The following PRKG1 variants were observed in gnomAD, a reference collection of about 807,000 sequenced individuals.
PRKG1 encodes protein kinase cGMP-dependent 1.
PRKG1 carries 35 observed loss-of-function variants against 88.1 expected under a neutral mutation model. That is an observed-to-expected ratio of 0.40 (90% CI 0.30 to 0.53). The LOEUF is 0.53. Ranked by LOEUF, PRKG1 falls within the 20% of genes least tolerant of loss-of-function variation. PRKG1 has a pLI of 0.59. For synonymous variants in PRKG1, 303 were observed against 292.5 expected (o/e 1.04, Z -0.37); for missense variants, 540 against 839.8 (o/e 0.64, Z 4.41).
chr10:51,754,001 C>G (rs945701280), intron 3 of PRKG1, among the ~76,000 whole-genome samples: 4 of 152,036 alleles, frequency 2.6e-5, no homozygotes, highest in Non-Finnish European at 5.9e-5. Flanking sequence ...TCTAGGATCA[C>G]TGTAACATGG....
intron 12 of PRKG1, among the ~76,000 whole-genome samples, chr10:52,273,308 A>T (rs775789230): frequency 2.0e-5 from 3 of 151,990 alleles, no homozygotes; most frequent in Non-Finnish European, 4.4e-5. Flanking sequence ...TGAATGATTT[A>T]TTGATCATAC....
intron 3 of PRKG1, among the ~76,000 whole-genome samples, chr10:51,800,118 T>C (rs998119836): frequency 1.3e-5 from 2 of 152,060 alleles, no homozygotes; most frequent in Non-Finnish European, 2.9e-5. Flanking sequence ...TGGTAACAAA[T>C]CATACTGTGG....
chr10:51,280,273 C>T (rs1384985794), intron 2 of PRKG1, among the ~76,000 whole-genome samples: 1 of 152,140 alleles, frequency 6.6e-6, no homozygotes, highest in African/African-American at 2.4e-5. Context: ...TCGTGGGTAA[C>T]CTGACCTTTC....
At chr10:51,401,311 C>T (rs1837732520) in intron 2 of PRKG1, among the ~76,000 whole-genome samples, 2 of 152,148 alleles carry the variant, frequency 1.3e-5, no homozygotes. Context: ...TGAATAGACA[C>T]ACGTGGCTAG....
chr10:51,978,107 T>C (rs1843894742), intron 5 of PRKG1, among the ~76,000 whole-genome samples: 1 of 152,082 alleles, frequency 6.6e-6, no homozygotes, highest in Non-Finnish European at 1.5e-5. Context: ...TTTTGAGTTT[T>C]ACATTTAAGT....
chr10:51,012,868 C>A (rs1843010649), intron 1 of PRKG1, among the ~76,000 whole-genome samples: 1 of 152,196 alleles, frequency 6.6e-6, no homozygotes, highest in Admixed American at 6.5e-5. Context: ...ACTCTTTTCT[C>A]AGGTGGCATT....
At chr10:51,418,457 T>C (rs1838308513) in intron 2 of PRKG1, among the ~76,000 whole-genome samples, 1 of 152,172 alleles carries the variant, frequency 6.6e-6, no homozygotes, top group African/African-American at 2.4e-5. Context: ...CTAAGGTCAC[T>C]CAACATGGGA....
At position 51,670,740 on chromosome 10, in the gene PRKG1, AAAAATAAAT is replaced by A. The variant is rs1422388025; in HGVS notation, c.593-133841_593-133833del. Among the ~76,000 whole-genome samples the A allele has an allele frequency of 6.8e-4, 78 of 115,404 alleles. 4 individuals carry two copies. Among genetic ancestry groups the A allele is most frequent in the African/African-American group, 2.6e-3 (78 of 30,060 alleles). The allele number at this position is 115,404 out of a possible 152,430, so 75.7% of individuals were successfully genotyped here. A position where few individuals can be genotyped will look rare whatever the true frequency, so the allele number is the denominator to read the frequency against. ...GACAGAGCGAGACTCCGTCTCAAAA[AAAAATAAAT>A]AAATAAATAAATAAATAAATAAATA... On this transcript the variant is annotated intron_variant, in intron 3 of 17. Transcript: ENST00000373980.
rs142272401 is a variant in PRKG1, at chr10:52,075,518, C to A, written c.935+12887C>A. ...AAAGCTTACTTTAAAGCTGCAGTAG[C>A]CAAGGCAGTGTGGTATTGATATCAA... On this transcript the variant is annotated intron_variant, in intron 7 of 17. Transcript: ENST00000373980. Among the ~76,000 whole-genome samples, 30 of 152,254 alleles carry A rather than the reference C, an allele frequency of 2.0e-4. No individual in the cohort carries two copies. The East Asian group carries it at 4.2e-3, about 22-fold the overall frequency.
chr10:51,312,300 C>T (rs576798153), intron 2 of PRKG1, among the ~76,000 whole-genome samples: 4 of 152,208 alleles, frequency 2.6e-5, no homozygotes, highest in South Asian at 2.1e-4. Context: ...TATGATGGAA[C>T]AGAAAAATAG....
intron 5 of PRKG1, among the ~76,000 whole-genome samples, chr10:52,041,952 AATAGCTTCAC>A (rs1318178443): frequency 6.6e-6 from 1 of 152,114 alleles, no homozygotes; most frequent in Non-Finnish European, 1.5e-5. Context: ...TTTATATAAT[AATAGCTTCAC>A]ACACACAAAA....
intron 4 of PRKG1, among the ~76,000 whole-genome samples, chr10:51,872,531 A>T (rs1564686694): frequency 6.6e-6 from 1 of 152,230 alleles, no homozygotes; most frequent in African/African-American, 2.4e-5. Flanking sequence ...TGTGGCAAAG[A>T]TAAATTAACT....
intron 7 of PRKG1, among the ~76,000 whole-genome samples, chr10:52,085,042 G>A (rs1042260594): frequency 4.6e-5 from 7 of 151,968 alleles, no homozygotes; most frequent in African/African-American, 1.4e-4. Context: ...TATTATATAA[G>A]TGACGTTGTA....
intron 7 of PRKG1, among the ~76,000 whole-genome samples, chr10:52,122,532 T>G (rs138408506): frequency 4.3e-4 from 66 of 152,322 alleles, no homozygotes; most frequent in African/African-American, 1.5e-3. Context: ...TCATATTATT[T>G]TATAAAATAT....
At chr10:51,040,232 T>TTGTGTGTGTGTG (rs373057468) in intron 1 of PRKG1, among the ~76,000 whole-genome samples, 54 of 117,842 alleles carry the variant, frequency 4.6e-4, no homozygotes, top group African/African-American at 4.8e-4. Flanking sequence ...TCCATTCCAT[T>TTGTGTGTGTGTG]TGTGTGTGTG....
chr10:51,902,108 T>C (rs1028042649), intron 4 of PRKG1, among the ~76,000 whole-genome samples: 2 of 152,024 alleles, frequency 1.3e-5, no homozygotes, highest in Non-Finnish European at 2.9e-5. Context: ...AAACTTTTAT[T>C]TTTTATTTTT....
chr10:51,046,109 C>A (rs887170195), intron 1 of PRKG1, among the ~76,000 whole-genome samples: 3 of 152,212 alleles, frequency 2.0e-5, no homozygotes, highest in Non-Finnish European at 4.4e-5. Context: ...CATTTTTGCA[C>A]AGTAAGAGCA....
intron 2 of PRKG1, among the ~76,000 whole-genome samples, chr10:51,231,256 A>G (rs147838861): frequency 1.9e-4 from 29 of 152,322 alleles, no homozygotes; most frequent in African/African-American, 7.0e-4. Flanking sequence ...ACTTAAAATT[A>G]AAACTCGGAA....
intron 2 of PRKG1, among the ~76,000 whole-genome samples, chr10:51,395,704 G>A (rs1294034824): frequency 3.9e-5 from 6 of 152,224 alleles, no homozygotes; most frequent in Admixed American, 3.9e-4. Context: ...AGATCTCTGA[G>A]GCATGATAAC....
Sources: gnomAD v4.1 joint callset for allele counts (sites outside exome capture counted in the v4.1 genomes callset) on GRCh38, gnomAD v4.1.1 for gene constraint, MANE v1.5 for transcripts, NCBI Gene and HGNC (gene_info 2026-07-23, HGNC 2026-07-21) for gene names.